Variants in DYSF observed in about 807,000 individuals in gnomAD.
DYSF encodes dystrophy-associated fer-1-like 1.
A neutral mutation model predicts 274.9 loss-of-function variants in DYSF; 212 were observed. The ratio of observed to expected loss-of-function variants is 0.77; its 90% CI spans 0.69 to 0.86. The LOEUF (loss-of-function observed/expected upper bound fraction) is 0.86, where lower values mean the gene tolerates loss of function less well. Ranked by LOEUF, DYSF falls within the 40% of genes least tolerant of loss-of-function variation. DYSF has a pLI of 0.00. For synonymous variants in DYSF, 1,091 were observed against 1,078.7 expected (o/e 1.01, Z -0.22); for missense variants, 2,666 against 2,783.2 (o/e 0.96, Z 0.95).
chr2:71,618,230 G>T (rs111214581), intron 40 of DYSF, among the ~76,000 whole-genome samples: 2 of 113,482 alleles, frequency 1.8e-5, no homozygotes, highest in Non-Finnish European at 1.8e-5. Flanking sequence ...GGTAGAGGTG[G>T]GGTGTGTGTG....
At chr2:71,494,534 T>G (rs527473421) in intron 3 of DYSF, among the ~76,000 whole-genome samples, 3 of 152,182 alleles carry the variant, frequency 2.0e-5, no homozygotes, top group Non-Finnish European at 4.4e-5. Context: ...CTTACCATGA[T>G]GGGTATGAGC....
intron 3 of DYSF, among the ~76,000 whole-genome samples, chr2:71,491,164 G>A (rs905988207): frequency 6.6e-6 from 1 of 152,192 alleles, no homozygotes; most frequent in East Asian, 1.9e-4. Context: ...GTAAAGTTGA[G>A]CATCTTTTGT....
At chr2:71,480,078 T>C (rs6546697) in intron 1 of DYSF, among the ~76,000 whole-genome samples, 127,025 of 152,190 alleles carry the variant, frequency 0.83, 53,404 homozygotes, top group East Asian at 0.94. Context: ...CCATTTCTAT[T>C]TTCCCTTTCC....
At chr2:71,479,619 G>A (rs188165408) in intron 1 of DYSF, among the ~76,000 whole-genome samples, 4 of 152,306 alleles carry the variant, frequency 2.6e-5, no homozygotes, top group East Asian at 1.9e-4. Context: ...CTCCTTGTGC[G>A]TCTCCTTTGC....
At chr2:71,563,732 C>T (rs938989288) in intron 23 of DYSF, among the ~76,000 whole-genome samples, 12 of 152,180 alleles carry the variant, frequency 7.9e-5, no homozygotes, top group Non-Finnish European at 1.3e-4. Context: ...TACCTGGTAG[C>T]GAGGACCTAA....
At chr2:71,462,825 G>A (rs898098711), upstream of DYSF, among the ~76,000 whole-genome samples, 1 of 152,192 alleles carries the variant, frequency 6.6e-6, no homozygotes, top group Non-Finnish European at 1.5e-5. Context: ...CCTGTACCTG[G>A]TAGTCCCAAC....
At chr2:71,623,172 C>CTTAT (rs200029699) in intron 41 of DYSF, among the ~76,000 whole-genome samples, 947 of 72,862 alleles carry the variant, frequency 0.013, 11 homozygotes, top group African/African-American at 0.028. Context: ...TAAATAGGGA[C>CTTAT]TTATTTTTTT....
intron 14 of DYSF, among the ~76,000 whole-genome samples, chr2:71,530,125 G>T (rs2088501685): frequency 7.0e-6 from 1 of 142,372 alleles, no homozygotes; most frequent in African/African-American, 2.5e-5. Context: ...TAGACTCAGG[G>T]TCCAGGTCTT....
At position 71,615,057 on chromosome 2, in the gene DYSF, A is replaced by C. The variant is rs2093851948; in HGVS notation, c.4464+1647A>C. 6.6e-6 allele frequency among the ~76,000 whole-genome samples: 1 copy of C among 152,070 alleles called. No homozygotes were observed. The highest frequency in any genetic ancestry group is 1.5e-5 in the Non-Finnish European group (1 of 68,008). ...GGAAGTGCAGGGCCTGCCCAGCAGG[A>C]TTTCCGTTCTGTGTGTGCTGCCCTC... On this transcript the variant is annotated intron_variant, in intron 40 of 55. Coordinates refer to ENST00000410020, the MANE Select transcript of DYSF (RefSeq NM_001130987.2). This position sits in a 1 kb window ranked among gnomAD's most constrained non-coding sequence, Gnocchi z 4.9.
At chr2:71,664,489 G>T in intron 46 of DYSF, 51 bp downstream of exon 46, 1 of 1,605,762 alleles carries the variant, frequency 6.2e-7, no homozygotes, top group Non-Finnish European at 8.5e-7. Context: ...CACCACCCCT[G>T]TCTTCTCTGA....
chr2:71,502,498 G>T (rs965000576), intron 3 of DYSF, among the ~76,000 whole-genome samples: 5 of 152,084 alleles, frequency 3.3e-5, no homozygotes, highest in African/African-American at 1.2e-4. Flanking sequence ...CTCTACAGAG[G>T]GGCAGACTAT....
At chr2:71,669,382 T>A (rs992126100) in intron 50 of DYSF, among the ~76,000 whole-genome samples, 175 bp downstream of exon 50, 9 of 152,190 alleles carry the variant, frequency 5.9e-5, no homozygotes, top group African/African-American at 1.7e-4. Flanking sequence ...ACCAGATTTC[T>A]TTTTCTGCAC....
chr2:71,637,318 C>T (rs1426212410), intron 41 of DYSF, among the ~76,000 whole-genome samples: 1 of 152,064 alleles, frequency 6.6e-6, no homozygotes, highest in Non-Finnish European at 1.5e-5. Context: ...CAGAGGTTGG[C>T]CTTGGGCTGG....
At chr2:71,532,053 A>T (rs930584580) in intron 14 of DYSF, among the ~76,000 whole-genome samples, 6 of 152,198 alleles carry the variant, frequency 3.9e-5, no homozygotes, top group Admixed American at 3.9e-4. Flanking sequence ...AGAATCAACT[A>T]TATACATGCA....
Position 71,553,793 on chromosome 2 carries a change from T to C in DYSF, c.1985-14T>C. On this transcript the variant is annotated splice_polypyrimidine_tract_variant and intron_variant, in intron 20 of 55. Coordinates refer to ENST00000410020, the MANE Select transcript of DYSF (RefSeq NM_001130987.2). ...ACTCCTGGCACAGCGCTCAGGCCCG[T>C]CTCTCCATTCCAGGGTGCCACTACT... 8.2e-7 allele frequency: 1 copy of C among 1,223,926 alleles called. No homozygotes were observed. The highest frequency in any genetic ancestry group is 1.2e-5 in the South Asian group (1 of 83,554). The allele number at this position is 1,223,926 out of a possible 1,614,324, so 75.8% of individuals were successfully genotyped here.
chr2:71,646,456 G>T (rs2094569197), intron 42 of DYSF, among the ~76,000 whole-genome samples: 1 of 152,200 alleles, frequency 6.6e-6, no homozygotes, highest in Non-Finnish European at 1.5e-5. Flanking sequence ...TTTCTGGGGG[G>T]AAAACTAGAC....
intron 42 of DYSF, among the ~76,000 whole-genome samples, chr2:71,645,078 C>T (rs1407224683): frequency 6.6e-6 from 1 of 152,124 alleles, no homozygotes; most frequent in African/African-American, 2.4e-5. Flanking sequence ...GCTGAAGCCC[C>T]AGTGGATGTG....
intron 3 of DYSF, among the ~76,000 whole-genome samples, chr2:71,491,434 G>C (rs2083846168): frequency 1.3e-5 from 2 of 152,182 alleles, no homozygotes; most frequent in Non-Finnish European, 2.9e-5. Context: ...AAATTTTTAA[G>C]TTCAGGGTAC....
rs1380192355 is a variant in DYSF, at chr2:71,561,753, C to G, written c.2218C>G (p.Gln740Glu). ...LTDELIAGCS[Q>E]PLGDIHETPS... ...ATTCCATCTGTCCGTCCCTCACAGC[C>G]AGCCTCTGGGTGACATCCATGAGAC... The change falls in exon 23 of 56, where the codon CAG becomes GAG. Residue 740 changes from glutamine to glutamate, a missense_variant and splice_region_variant. Physicochemically the swap from Gln to Glu is conservative, Grantham distance 29. Coordinates refer to ENST00000410020, the MANE Select transcript of DYSF (RefSeq NM_001130987.2). 1 of 1,614,182 alleles carries G rather than the reference C, an allele frequency of 6.2e-7. No individual in the cohort carries two copies. The highest frequency in any genetic ancestry group is 1.7e-5 in the Admixed American group (1 of 60,022).
Sources: gnomAD v4.1 joint callset for allele counts (sites outside exome capture counted in the v4.1 genomes callset) on GRCh38, gnomAD v4.1.1 for gene constraint, Gnocchi (gnomAD v3.1) non-coding constraint, MANE v1.5 for transcripts, NCBI Gene and HGNC (gene_info 2026-07-23, HGNC 2026-07-21) for gene names.